The following ZFR variants were observed in gnomAD, a reference collection of about 807,000 sequenced individuals.
The protein encoded by ZFR is zinc finger RNA binding protein, also known as zinc finger RNA-binding protein.
ZFR carries 19 observed loss-of-function variants against 130.7 expected under a neutral mutation model. The observed-to-expected ratio is 0.15, with a 90% CI of 0.10 to 0.21. ZFR has a LOEUF of 0.21. ZFR is among the 10% of genes least tolerant of loss of function. The pLI, the probability that ZFR is intolerant of heterozygous loss-of-function variation, is 1.00. For synonymous variants in ZFR, 466 were observed against 456.9 expected, an observed-to-expected ratio of 1.02 and a Z score of -0.25; for missense variants, 872 against 1,321.5, an observed-to-expected ratio of 0.66 and a Z score of 5.27.
intron 2 of ZFR, among the ~76,000 whole-genome samples, chr5:32,437,565 G>C (rs1332202379): frequency 6.6e-6 from 1 of 152,292 alleles, no homozygotes; most frequent in East Asian, 1.9e-4. Flanking sequence ...ACAATTAATA[G>C]TCAAGCAACC....
In ZFR at chr5:32,388,513, G is replaced by C. The variant is rs1481773976; in HGVS notation, c.2304C>G (p.Asn768Lys). 1.2e-6 allele frequency: 2 copies of C among 1,613,866 alleles called. No homozygotes were observed. The highest frequency in any genetic ancestry group is 2.2e-5 in the South Asian group (2 of 91,062). The change falls in exon 13 of 20, where the codon AAC becomes AAG. Residue 768 changes from asparagine (N) to lysine (K), a missense_variant. By Grantham distance (94) the Asn-to-Lys change is moderately conservative. Around this residue, in one of 7 missense-constraint regions of ZFR, gnomAD observed 225 missense variants for 282.4 expected, o/e 0.80. Coordinates refer to ENST00000265069, the MANE Select transcript of ZFR (RefSeq NM_016107.5). The part of the protein sequence containing the change: ...VSDSLSEHEK[N>K]KNKEGDDKKE... ...TCTTATCATCTCCCTCTTTGTTCTT[G>C]TTCTTCTCATGTTCAGACAAACTGT...
intron 15 of ZFR, among the ~76,000 whole-genome samples, chr5:32,383,384 A>C (rs920307514): frequency 6.6e-6 from 1 of 152,200 alleles, no homozygotes; most frequent in Non-Finnish European, 1.5e-5. Flanking sequence ...AAAACACACA[A>C]AATACTTAAC....
chr5:32,387,702 G>A lies in ZFR; in HGVS notation c.2349-3C>T. On this transcript the variant is annotated splice_polypyrimidine_tract_variant and splice_region_variant and intron_variant, in intron 13 of 19. Coordinates refer to ENST00000265069, the MANE Select transcript of ZFR (RefSeq NM_016107.5). ...CTCGCAAAACTCCTTTCAAAGCTCT[G>A]CAGTAAAATAAAATTATATTATGAT... 2 of 1,601,638 alleles carry A rather than the reference G, an allele frequency of 1.2e-6. No individual in the cohort carries two copies. The highest frequency in any genetic ancestry group is 1.7e-6 in the Non-Finnish European group (2 of 1,173,624).
chr5:32,440,731 C>T (rs1426921949), intron 2 of ZFR, among the ~76,000 whole-genome samples: 1 of 150,932 alleles, frequency 6.6e-6, no homozygotes, highest in African/African-American at 2.4e-5. Flanking sequence ...GACTGAGAAA[C>T]GCTTACCACA....
At chr5:32,360,432 A>C (rs964519445) in intron 19 of ZFR, among the ~76,000 whole-genome samples, 3 of 152,184 alleles carry the variant, frequency 2.0e-5, no homozygotes, top group African/African-American at 7.2e-5. Flanking sequence ...CCTATTATGA[A>C]TATTTCATAT....
chr5:32,408,585 T>C (rs1287721069), intron 5 of ZFR, among the ~76,000 whole-genome samples: 1 of 152,224 alleles, frequency 6.6e-6, no homozygotes, highest in Non-Finnish European at 1.5e-5. Flanking sequence ...TTCTCTACAG[T>C]AAAATTTAAA....
chr5:32,417,518 G>A, intron 4 of ZFR, 130 bp downstream of exon 4: 1 of 1,116,332 alleles, frequency 9.0e-7, no homozygotes, highest in South Asian at 1.5e-5. Flanking sequence ...TAGTAGGACA[G>A]GTCTAGAACC....
intron 8 of ZFR, among the ~76,000 whole-genome samples, chr5:32,400,536 G>C (rs1398544489): frequency 6.6e-6 from 1 of 152,194 alleles, no homozygotes; most frequent in Non-Finnish European, 1.5e-5. Flanking sequence ...GAAATGAGTA[G>C]TATTTGTTCC....
intron 2 of ZFR, among the ~76,000 whole-genome samples, chr5:32,423,138 G>A (rs1404499617): frequency 6.6e-6 from 1 of 152,026 alleles, no homozygotes; most frequent in Non-Finnish European, 1.5e-5. Context: ...TTTGAGACCA[G>A]ACTTGGCAAC....
rs987181082 is a variant in ZFR, at chr5:32,388,734, A to T, written c.2143-60T>A. ...AGTTTCCTGAGCAAAAGCAAATTAT[A>T]TTTTTCAACTATACATATTTGTTGT... On this transcript the variant is annotated intron_variant, in intron 12 of 19. Transcript: ENST00000265069. 8.0e-6 allele frequency: 11 copies of T among 1,371,290 alleles called. No homozygotes were observed. The Admixed American group carries it at 8.8e-5, about 11-fold the overall frequency. The allele number at this position is 1,371,290 out of a possible 1,614,324, so 84.9% of individuals were successfully genotyped here.
chr5:32,378,691 T>C (rs1454156110), intron 17 of ZFR, among the ~76,000 whole-genome samples: 1 of 152,070 alleles, frequency 6.6e-6, no homozygotes, highest in Non-Finnish European at 1.5e-5. Flanking sequence ...TTACTGAATC[T>C]CCTATTTTTT....
At chr5:32,376,685 T>G (rs1260904060) in intron 17 of ZFR, among the ~76,000 whole-genome samples, 1 of 150,242 alleles carries the variant, frequency 6.7e-6, no homozygotes, top group Non-Finnish European at 1.5e-5. Flanking sequence ...TAAAAAAAAT[T>G]AATGAATCAA....
At chr5:32,410,220 T>G (rs1470760406) in intron 5 of ZFR, among the ~76,000 whole-genome samples, 1 of 138,594 alleles carries the variant, frequency 7.2e-6, no homozygotes. Context: ...AGGTGGAGGT[T>G]GCAGTGAGCT....
In ZFR at chr5:32,397,356, A is replaced by T. The variant is rs1299159142; in HGVS notation, c.1714-18T>A. On this transcript the variant is annotated intron_variant, in intron 9 of 19. Transcript: ENST00000265069. ...TTTCGTACCTTGGTGTGGAAAAAAA[A>T]TTCAAGAATCATCATAGTTGAAGAT... 1 of 1,607,362 alleles carries T rather than the reference A, an allele frequency of 6.2e-7. No homozygotes were observed. The highest frequency in any genetic ancestry group is 2.2e-5 in the East Asian group (1 of 44,826).
At chr5:32,386,172 G>C (rs531029202) in intron 14 of ZFR, among the ~76,000 whole-genome samples, 1 of 152,126 alleles carries the variant, frequency 6.6e-6, no homozygotes, top group Non-Finnish European at 1.5e-5. Context: ...ACTACATACA[G>C]TATTTCCAGT....
intron 2 of ZFR, among the ~76,000 whole-genome samples, chr5:32,425,256 G>A (rs1404607704): frequency 1.5e-4 from 23 of 152,188 alleles, no homozygotes; most frequent in Admixed American, 1.4e-3. Flanking sequence ...TTCTCAATGT[G>A]ATCCAGGGAC....
rs562612044 is a variant in ZFR, at chr5:32,418,481, T to C, written c.421-689A>G. 5.9e-5 allele frequency among the ~76,000 whole-genome samples: 9 copies of C among 152,176 alleles called. No individual in the cohort carries two copies. In the South Asian group the frequency reaches 8.3e-4, roughly 14 times the overall value. ...ATTGCTCCTTTTCAGTATTTCTTTT[T>C]CAAGAAAGATCAAGGTGAGCTGAGT... On this transcript the variant is annotated intron_variant, in intron 3 of 19. Transcript: ENST00000265069.
chr5:32,366,979 T>C (rs1752561854), intron 17 of ZFR, among the ~76,000 whole-genome samples: 1 of 151,956 alleles, frequency 6.6e-6, no homozygotes. Flanking sequence ...GCAGCCGAGC[T>C]TGAACTCCTG....
At position 32,444,693 on chromosome 5, in the gene ZFR, C is replaced by G. The variant is rs1754568719; in HGVS notation, c.-35G>C. On this transcript the variant is annotated 5_prime_UTR_variant, in exon 1 of 20. Coordinates refer to ENST00000265069, the MANE Select transcript of ZFR (RefSeq NM_016107.5). ...CTGCTGCTGCTGAACTCTGAACTCTCACCCGCTGCCTCCCTCCTCTGCCCC... is the reference window on the plus strand; with the variant it reads ...CTGCTGCTGCTGAACTCTGAACTCTGACCCGCTGCCTCCCTCCTCTGCCCC... The G allele has an allele frequency of 7.3e-6, 11 of 1,502,890 alleles. No individual in the cohort carries two copies. The highest frequency in any genetic ancestry group is 8.9e-6 in the Non-Finnish European group (10 of 1,125,844). 93.1% of individuals were successfully genotyped at this position (1,502,890 alleles called of 1,614,324 possible).
Sources: gnomAD v4.1 joint callset for allele counts (sites outside exome capture counted in the v4.1 genomes callset) on GRCh38, gnomAD v4.1.1 for gene constraint, gnomAD v4.1.1 regional missense constraint, MANE v1.5 for transcripts, NCBI Gene and HGNC (gene_info 2026-07-23, HGNC 2026-07-21) for gene names.